The following CACNB2 variants were observed in gnomAD, a reference collection of about 807,000 sequenced individuals.
CACNB2 encodes the protein calcium voltage-gated channel auxiliary subunit beta 2.
Under a neutral mutation model 73.3 loss-of-function variants are expected in CACNB2, and 42 were observed. The observed-to-expected ratio is 0.57, with a 90% CI of 0.45 to 0.74. The LOEUF is 0.74. Ranked by LOEUF, CACNB2 falls within the 30% of genes least tolerant of loss-of-function variation. CACNB2 has a pLI of 0.00. For synonymous variants in CACNB2, 348 were observed against 310.3 expected, an observed-to-expected ratio of 1.12 and a Z score of -1.28; for missense variants, 940 against 853.0, an observed-to-expected ratio of 1.10 and a Z score of -1.27.
At chr10:18,407,100 C>T (rs11014092) in intron 3 of CACNB2, among the ~76,000 whole-genome samples, 55,957 of 132,440 alleles carry the variant, frequency 0.42, 12,376 homozygotes, top group Middle Eastern at 0.57. Flanking sequence ...TCCAGACCTG[C>T]TGTTCTGTCT....
intron 2 of CACNB2, among the ~76,000 whole-genome samples, chr10:18,314,992 C>T (rs2131909212): frequency 6.6e-6 from 1 of 152,174 alleles, no homozygotes; most frequent in Admixed American, 6.5e-5. Flanking sequence ...TAACTCTAAC[C>T]TAGTAAGTTA....
intron 3 of CACNB2, among the ~76,000 whole-genome samples, chr10:18,452,622 G>T (rs1255719174): frequency 6.6e-6 from 1 of 152,130 alleles, no homozygotes. Flanking sequence ...TAGCTCCCCT[G>T]TCACCTCAAA....
At chr10:18,502,207 T>C (rs2050230754) in intron 5 of CACNB2, among the ~76,000 whole-genome samples, 2 of 151,912 alleles carry the variant, frequency 1.3e-5, no homozygotes, top group African/African-American at 4.8e-5. Context: ...CTCGGGAGGC[T>C]GAGGCAGGAG....
chr10:18,264,108 T>C (rs965369115), intron 2 of CACNB2, among the ~76,000 whole-genome samples: 1 of 152,244 alleles, frequency 6.6e-6, no homozygotes, highest in Non-Finnish European at 1.5e-5. Context: ...GAAACACTTC[T>C]CAAGTATTGA....
At chr10:18,511,470 TAGA>T (rs2050780074) in intron 6 of CACNB2, among the ~76,000 whole-genome samples, 1 of 152,230 alleles carries the variant, frequency 6.6e-6, no homozygotes, top group African/African-American at 2.4e-5. Context: ...TTGAAAAGGT[TAGA>T]AGAAGCTGCT....
intron 2 of CACNB2, among the ~76,000 whole-genome samples, chr10:18,258,891 AT>A (rs60473856): frequency 0.54 from 80,169 of 147,626 alleles, 21,994 homozygotes; most frequent in East Asian, 0.7. Context: ...ATGGTGAGGG[AT>A]TTTTTTTTTT....
intron 2 of CACNB2, among the ~76,000 whole-genome samples, chr10:18,167,145 G>A (rs1248275368): frequency 6.6e-6 from 1 of 152,202 alleles, no homozygotes; most frequent in Admixed American, 6.5e-5. Context: ...GTCTTTCACA[G>A]CGACATGAGT....
chr10:18,183,270 C>T (rs967569702), intron 2 of CACNB2, among the ~76,000 whole-genome samples: 1 of 152,194 alleles, frequency 6.6e-6, no homozygotes, highest in African/African-American at 2.4e-5. Context: ...AGACAGCTAT[C>T]ATCAGGCTTT....
chr10:18,452,636 C>T (rs933014821), intron 3 of CACNB2, among the ~76,000 whole-genome samples: 1 of 152,190 alleles, frequency 6.6e-6, no homozygotes, highest in African/African-American at 2.4e-5. Flanking sequence ...CCTCAAACTC[C>T]TGTGCTCAAG....
intron 2 of CACNB2, among the ~76,000 whole-genome samples, chr10:18,291,197 CT>C (rs1302123755): frequency 1.3e-5 from 2 of 152,308 alleles, no homozygotes; most frequent in Admixed American, 6.5e-5. Context: ...CCTGAATTAT[CT>C]TTATCCTCTG....
At position 18,458,685 on chromosome 10, in the gene CACNB2, C is replaced by CCTAA. The variant is rs568505297; in HGVS notation, c.334-39667_334-39664dup. ...ATTTTTTTTCACTTGTTATTAGCAT[C>CCTAA]CTAACTGCAATGGCCAACTAATTCA... On this transcript the variant is annotated intron_variant, in intron 3 of 13. Coordinates refer to ENST00000324631, the MANE Select transcript of CACNB2 (RefSeq NM_201596.3). Among the ~76,000 whole-genome samples, 289 of 151,866 alleles carry CCTAA rather than the reference C, an allele frequency of 1.9e-3. 1 individual carries two copies. The highest frequency in any genetic ancestry group is 6.6e-3 in the African/African-American group (274 of 41,406).
chr10:18,473,858 A>G (rs1015722886), intron 3 of CACNB2, among the ~76,000 whole-genome samples: 1 of 152,178 alleles, frequency 6.6e-6, no homozygotes. Flanking sequence ...TTTTTCTTGT[A>G]TCAGAACCAG....
intron 3 of CACNB2, among the ~76,000 whole-genome samples, chr10:18,453,516 G>C (rs1018087873): frequency 3.3e-5 from 5 of 152,292 alleles, no homozygotes; most frequent in Non-Finnish European, 7.3e-5. Flanking sequence ...CCAACTCATT[G>C]TCTCCTCCTC....
intron 3 of CACNB2, among the ~76,000 whole-genome samples, chr10:18,484,942 T>C (rs933895070): frequency 6.6e-6 from 1 of 151,904 alleles, no homozygotes; most frequent in Non-Finnish European, 1.5e-5. Context: ...ATTGCTTGAG[T>C]CCAGGAGTTG....
intron 2 of CACNB2, among the ~76,000 whole-genome samples, chr10:18,371,137 A>G (rs1293986408): frequency 6.6e-6 from 1 of 152,220 alleles, no homozygotes; most frequent in Admixed American, 6.5e-5. Context: ...GTTATTTGAT[A>G]GACAAAAATA....
At chr10:18,289,281 C>CTTTTTTTTTTTT (rs1564407541) in intron 2 of CACNB2, among the ~76,000 whole-genome samples, 1 of 96,940 alleles carries the variant, frequency 1.0e-5, no homozygotes, top group Non-Finnish European at 2.0e-5. Flanking sequence ...ATTTTTTTTT[C>CTTTTTTTTTTTT]TTGTTTTTTT....
chr10:18,502,713 A>AAC (rs2050271271), intron 5 of CACNB2, among the ~76,000 whole-genome samples: 2 of 117,208 alleles, frequency 1.7e-5, no homozygotes, highest in Non-Finnish European at 3.4e-5. Context: ...AAAAAAAAAA[A>AAC]AAAAAAAAAA....
chr10:18,401,891 A>T (rs2044015325), intron 2 of CACNB2, 33 bp from the exon 3 acceptor site: 2 of 1,611,922 alleles, frequency 1.2e-6, no homozygotes, highest in South Asian at 1.1e-5. Context: ...TCATAGACTG[A>T]ATCTACTTTA....
At chr10:18,421,312 T>C (rs74391071) in intron 3 of CACNB2, among the ~76,000 whole-genome samples, 32 of 151,956 alleles carry the variant, frequency 2.1e-4, no homozygotes, top group Admixed American at 2.0e-3. Flanking sequence ...TTTTTTTTTT[T>C]CTAAGACAGA....
Sources: gnomAD v4.1 joint callset for allele counts (sites outside exome capture counted in the v4.1 genomes callset) on GRCh38, gnomAD v4.1.1 for gene constraint, MANE v1.5 for transcripts, NCBI Gene and HGNC (gene_info 2026-07-23, HGNC 2026-07-21) for gene names.